JMY: variants seen among roughly 807,000 people sequenced by gnomAD.
The protein encoded by JMY is junction mediating and regulatory protein, p53 cofactor, also known as junction-mediating and -regulatory protein.
A neutral mutation model predicts 103.3 loss-of-function variants in JMY; 46 were observed. The observed-to-expected ratio is 0.45, with a 90% CI of 0.35 to 0.57. The LOEUF (loss-of-function observed/expected upper bound fraction) is 0.57. JMY is among the 20% of genes least tolerant of loss of function. The probability of loss-of-function intolerance (pLI) is 0.00; values close to 1 mark genes in which losing one functional copy is unlikely to be tolerated. For missense variants in JMY, 1,238 were observed against 1,255.2 expected, an observed-to-expected ratio of 0.99 and a Z score of 0.21; for synonymous variants, 526 against 489.3, an observed-to-expected ratio of 1.07 and a Z score of -0.99.
In JMY at chr5:79,322,009, A is replaced by G. The variant is rs1747468584; in HGVS notation, c.*407A>G. The G allele has an allele frequency of 6.6e-6, 1 of 152,196 alleles. No homozygotes were observed. The highest frequency in any genetic ancestry group is 2.4e-5 in the African/African-American group (1 of 41,456). The allele number at this position is 152,196 out of a possible 1,614,324, so 9.4% of individuals were successfully genotyped here. On this transcript the variant is annotated 3_prime_UTR_variant, in exon 11 of 11. Coordinates refer to ENST00000396137, the MANE Select transcript of JMY (RefSeq NM_152405.5). The stretch of plus-strand genomic sequence containing the variant: ...TGAGAACCATCTTTCAATGCACTGA[A>G]AAGTCATCTGAAAAAATAGCTTCTT...
At chr5:79,282,618 A>G (rs904479380) in intron 2 of JMY, among the ~76,000 whole-genome samples, 8 of 152,192 alleles carry the variant, frequency 5.3e-5, no homozygotes, top group Non-Finnish European at 8.8e-5. Context: ...GTACGTTACA[A>G]TCTCTGTCAG....
chr5:79,272,028 C>G (rs1222806908), intron 1 of JMY, among the ~76,000 whole-genome samples: 2 of 151,528 alleles, frequency 1.3e-5, no homozygotes, highest in South Asian at 2.1e-4. Context: ...AGGAGAATTG[C>G]TTGAACCCGG....
chr5:79,284,971 A>G (rs1580354703), intron 2 of JMY: 2 of 1,183,176 alleles, frequency 1.7e-6, no homozygotes, highest in East Asian at 2.5e-5. Flanking sequence ...AGTAAAATGA[A>G]GTTGAAACTA....
At chr5:79,242,705 A>G (rs1296091308) in intron 1 of JMY, among the ~76,000 whole-genome samples, 1 of 152,060 alleles carries the variant, frequency 6.6e-6, no homozygotes, top group Non-Finnish European at 1.5e-5. Flanking sequence ...TTCCTTCCTT[A>G]AAGAGAAAGG....
chr5:79,261,917 G>T (rs1231116287), intron 1 of JMY, among the ~76,000 whole-genome samples: 2 of 152,192 alleles, frequency 1.3e-5, no homozygotes, highest in Non-Finnish European at 2.9e-5. Flanking sequence ...GAGCCACCAT[G>T]CCCAACCTCT....
chr5:79,245,499 T>G (rs978945811), intron 1 of JMY, among the ~76,000 whole-genome samples: 1 of 152,194 alleles, frequency 6.6e-6, no homozygotes, highest in African/African-American at 2.4e-5. Flanking sequence ...TGTTTGACCT[T>G]AGGCTGTTGA....
At chr5:79,258,993 G>T (rs971896067) in intron 1 of JMY, among the ~76,000 whole-genome samples, 1 of 152,188 alleles carries the variant, frequency 6.6e-6, no homozygotes, top group South Asian at 2.1e-4. Flanking sequence ...AAGACAAAGA[G>T]GAGCTTTATT....
At chr5:79,304,072 A>G (rs1317621025) in intron 6 of JMY, among the ~76,000 whole-genome samples, 1 of 152,164 alleles carries the variant, frequency 6.6e-6, no homozygotes, top group Admixed American at 6.5e-5. Context: ...GCTCATAGCA[A>G]TTTAATCAGT....
At position 79,294,016 on chromosome 5, in the gene JMY, A is replaced by G. The variant is rs181021021; in HGVS notation, c.1527+2717A>G. 6.2e-4 allele frequency among the ~76,000 whole-genome samples: 95 copies of G among 152,360 alleles called. 1 individual carries two copies. Among genetic ancestry groups the G allele is most frequent in the African/African-American group, 2.2e-3 (93 of 41,586 alleles). ...AACCACACAGGATTAGGAGTAGAGT[A>G]TATGCTGGAAGTGTTATTAAAATAA... On this transcript the variant is annotated intron_variant, in intron 4 of 10. Transcript: ENST00000396137.
intron 1 of JMY, among the ~76,000 whole-genome samples, chr5:79,252,337 G>GTTT (rs71615515): frequency 6.1e-5 from 8 of 130,526 alleles, no homozygotes; most frequent in African/African-American, 1.4e-4. Flanking sequence ...TGATAGTCAG[G>GTTT]TTTTTTTTTT....
intron 10 of JMY, among the ~76,000 whole-genome samples, chr5:79,318,950 G>A (rs1258296182): frequency 6.6e-6 from 1 of 152,136 alleles, no homozygotes; most frequent in East Asian, 1.9e-4. Flanking sequence ...TCAGGAAGCT[G>A]CTTAAGCTTG....
intron 1 of JMY, among the ~76,000 whole-genome samples, chr5:79,271,105 GC>G (rs1745770708): frequency 6.6e-6 from 1 of 151,818 alleles, no homozygotes; most frequent in Non-Finnish European, 1.5e-5. Context: ...TTGCTGTGTT[GC>G]CCAGGCTGGA....
intron 1 of JMY, among the ~76,000 whole-genome samples, chr5:79,250,764 C>CT (rs1012410112): frequency 8.9e-5 from 13 of 146,576 alleles, no homozygotes; most frequent in African/African-American, 2.7e-4. Context: ...ATTATACCTA[C>CT]TTTTTTTTTA....
At chr5:79,321,314 C>A (rs1290693022) in intron 10 of JMY, among the ~76,000 whole-genome samples, 1 of 152,160 alleles carries the variant, frequency 6.6e-6, no homozygotes, top group African/African-American at 2.4e-5. Context: ...TTTAGTTGTT[C>A]TTACTCTAGT....
In JMY at chr5:79,314,862, A is replaced by C. The variant is rs1033740655; in HGVS notation, c.2659+11A>C. The stretch of plus-strand genomic sequence containing the variant: ...TGCAGAGGAGGAGAGGTACGTCAAC[A>C]TATTTTCATGGTCCATCTGTTGTAT... On this transcript the variant is annotated intron_variant, in intron 9 of 10. Coordinates refer to ENST00000396137, the MANE Select transcript of JMY (RefSeq NM_152405.5). 1 of 1,536,484 alleles carries C rather than the reference A, an allele frequency of 6.5e-7. No individual in the cohort carries two copies. Among genetic ancestry groups the C allele is most frequent in the African/African-American group, 1.4e-5 (1 of 72,364 alleles).
chr5:79,274,301 G>A (rs140349565), intron 1 of JMY, among the ~76,000 whole-genome samples: 175 of 152,088 alleles, frequency 1.2e-3, no homozygotes, highest in African/African-American at 4.0e-3. Context: ...TGTCCAATTA[G>A]CGTTATAATA....
chr5:79,284,674 C>G, intron 2 of JMY: 1 of 1,586,470 alleles, frequency 6.3e-7, no homozygotes, highest in Non-Finnish European at 8.6e-7. Flanking sequence ...CTTGAATTTT[C>G]TAAGTGCAAC....
chr5:79,264,006 C>CA (rs1409209406), intron 1 of JMY, among the ~76,000 whole-genome samples: 2 of 151,726 alleles, frequency 1.3e-5, no homozygotes, highest in African/African-American at 4.8e-5. Flanking sequence ...AGGCTGGTCT[C>CA]AAACTCCTGA....
chr5:79,303,498 GA>G (rs1746797537), intron 6 of JMY, among the ~76,000 whole-genome samples: 1 of 152,154 alleles, frequency 6.6e-6, no homozygotes, highest in African/African-American at 2.4e-5. Context: ...TGTAATTCAG[GA>G]AGCAAAACGT....
Sources: allele counts gnomAD v4.1 joint callset (sites outside exome capture counted in the v4.1 genomes callset), GRCh38; gene constraint gnomAD v4.1.1; transcripts MANE v1.5; gene names NCBI Gene and HGNC (gene_info 2026-07-23, HGNC 2026-07-21).